The following CADM2 variants were observed in gnomAD, a reference collection of about 807,000 sequenced individuals.
CADM2 encodes cell adhesion molecule 2.
In CADM2, 12 loss-of-function variants were observed where a neutral mutation model predicts 49.8. The ratio of observed to expected loss-of-function variants is 0.24; its 90% confidence interval spans 0.15 to 0.39. The LOEUF (loss-of-function observed/expected upper bound fraction) is 0.39. Among genes scored for constraint, CADM2 ranks in the 10% least tolerant of loss-of-function variants. CADM2 has a pLI of 1.00. For missense variants in CADM2, 378 were observed against 492.3 expected (o/e 0.77, Z 2.20); for synonymous variants, 214 against 175.4 (o/e 1.22, Z -1.74).
At chr3:85,999,096 T>C (rs1729799516) in intron 8 of CADM2, among the ~76,000 whole-genome samples, 1 of 152,140 alleles carries the variant, frequency 6.6e-6, no homozygotes, top group Non-Finnish European at 1.5e-5. Flanking sequence ...AGTGAAGATA[T>C]CTAATTAACA....
intron 1 of CADM2, among the ~76,000 whole-genome samples, chr3:85,332,064 A>T (rs1277029429): frequency 6.6e-6 from 1 of 152,038 alleles, no homozygotes; most frequent in Non-Finnish European, 1.5e-5. Flanking sequence ...TTATTAAGGG[A>T]TCAATTGAAA....
intron 1 of CADM2, among the ~76,000 whole-genome samples, chr3:85,444,127 C>T (rs1174460228): frequency 2.0e-5 from 3 of 152,078 alleles, no homozygotes; most frequent in Admixed American, 1.3e-4. Flanking sequence ...TATATTGTTT[C>T]TGATTATATT....
At chr3:85,051,598 A>G (rs2035885596) in intron 1 of CADM2, among the ~76,000 whole-genome samples, 1 of 152,130 alleles carries the variant, frequency 6.6e-6, no homozygotes, top group African/African-American at 2.4e-5. Flanking sequence ...ATCACTACCA[A>G]TGAATTTATT....
intron 1 of CADM2, among the ~76,000 whole-genome samples, chr3:85,209,228 G>A (rs1158099710): frequency 6.6e-6 from 1 of 152,078 alleles, no homozygotes; most frequent in Non-Finnish European, 1.5e-5. Context: ...GGCTTCTCAA[G>A]TAGACAGCTT....
chr3:85,050,195 G>A (rs1340301230), intron 1 of CADM2, among the ~76,000 whole-genome samples: 1 of 151,968 alleles, frequency 6.6e-6, no homozygotes, highest in Non-Finnish European at 1.5e-5. Flanking sequence ...AATAACTCCT[G>A]TAGGAATTCA....
intron 2 of CADM2, among the ~76,000 whole-genome samples, chr3:85,769,583 ATATATAG>A (rs1213254442): frequency 8.5e-6 from 1 of 117,780 alleles, no homozygotes; most frequent in Non-Finnish European, 1.6e-5. Context: ...ACATATATAC[ATATATAG>A]TATATACACA....
At chr3:85,127,014 C>A (rs7632628) in intron 1 of CADM2, among the ~76,000 whole-genome samples, 82,892 of 151,920 alleles carry the variant, frequency 0.55, 23,297 homozygotes, top group African/African-American at 0.59. Context: ...TTCATTATAC[C>A]ATACATAGGA....
chr3:85,128,530 G>A (rs1449722154), intron 1 of CADM2, among the ~76,000 whole-genome samples: 1 of 152,120 alleles, frequency 6.6e-6, no homozygotes, highest in Admixed American at 6.5e-5. Flanking sequence ...TATTTTGACA[G>A]TATGAGTTTA....
intron 1 of CADM2, among the ~76,000 whole-genome samples, chr3:84,996,580 ATAT>A (rs1003947174): frequency 6.6e-6 from 1 of 152,114 alleles, no homozygotes; most frequent in African/African-American, 2.4e-5. Flanking sequence ...ATGATAAAAA[ATAT>A]TATGAAATTA....
At chr3:85,457,428 AT>A (rs1470392378) in intron 1 of CADM2, among the ~76,000 whole-genome samples, 43 of 152,090 alleles carry the variant, frequency 2.8e-4, no homozygotes, top group Middle Eastern at 6.8e-3. Context: ...AAAAAAAAAA[AT>A]TAAAAAGGAT....
rs74937631 is a variant in CADM2 at position 86,055,467 on chromosome 3, T to G, written c.971-10138T>G. On this transcript the variant is annotated intron_variant, in intron 8 of 9. Transcript: ENST00000383699. Reference sequence around the variant, plus strand: ...GCATCCCCTCTTTTTTTTTTTTTTTTTTTTTTTTTTTTGGTTTTAGAGGGA... The same window carrying G: ...GCATCCCCTCTTTTTTTTTTTTTTTGTTTTTTTTTTTTGGTTTTAGAGGGA... Among the ~76,000 whole-genome samples, 276 of 128,470 alleles carry G rather than the reference T, an allele frequency of 2.1e-3. 5 individuals carry two copies. Among genetic ancestry groups the G allele is most frequent in the Admixed American group, 0.019 (227 of 12,058 alleles). The allele number at this position is 128,470 out of a possible 152,430, so 84.3% of individuals were successfully genotyped here. A position where few individuals can be genotyped will look rare whatever the true frequency, so the allele number is the denominator to read the frequency against.
chr3:85,200,132 G>GT (rs1395146770), intron 1 of CADM2, among the ~76,000 whole-genome samples: 3 of 151,988 alleles, frequency 2.0e-5, no homozygotes, highest in Admixed American at 1.3e-4. Context: ...TGAAAACGTG[G>GT]TTTTAAGCAA....
At chr3:85,829,276 C>CT (rs201201088) in intron 3 of CADM2, among the ~76,000 whole-genome samples, 4,274 of 150,138 alleles carry the variant, frequency 0.028, 91 homozygotes, top group Middle Eastern at 0.072. Flanking sequence ...AACTGATCTG[C>CT]TTTTTTTTTG....
At chr3:85,610,982 T>C (rs140262160) in intron 1 of CADM2, among the ~76,000 whole-genome samples, 151 of 152,040 alleles carry the variant, frequency 9.9e-4, no homozygotes, top group African/African-American at 3.2e-3. Context: ...GACAGATTAA[T>C]TGACTGAAAC....
At chr3:85,251,701 G>A (rs372001714) in intron 1 of CADM2, among the ~76,000 whole-genome samples, 2 of 151,876 alleles carry the variant, frequency 1.3e-5, no homozygotes, top group East Asian at 1.9e-4. Context: ...TATCTTTACA[G>A]GGGAGTATAT....
chr3:85,481,171 C>T (rs1218934415), intron 1 of CADM2, among the ~76,000 whole-genome samples: 1 of 150,000 alleles, frequency 6.7e-6, no homozygotes, highest in Non-Finnish European at 1.5e-5. Flanking sequence ...AGACATTAAT[C>T]TTTGAAATGA....
At chr3:85,516,745 C>A (rs940717811) in intron 1 of CADM2, among the ~76,000 whole-genome samples, 3 of 151,914 alleles carry the variant, frequency 2.0e-5, no homozygotes, top group Non-Finnish European at 1.5e-5. Flanking sequence ...TCAACTGGGG[C>A]AAATAATTTC....
chr3:85,151,060 C>T (rs2039907591), intron 1 of CADM2, among the ~76,000 whole-genome samples: 1 of 151,810 alleles, frequency 6.6e-6, no homozygotes, highest in African/African-American at 2.4e-5. Context: ...GTTCTGTGAG[C>T]AGAGCAATGG....
At chr3:85,659,628 T>C (rs2065337244) in intron 1 of CADM2, among the ~76,000 whole-genome samples, 1 of 152,170 alleles carries the variant, frequency 6.6e-6, no homozygotes, top group African/African-American at 2.4e-5. Context: ...TAAATCCTTA[T>C]GTAGCATTTA....
Sources: gnomAD v4.1 joint callset for allele counts (sites outside exome capture counted in the v4.1 genomes callset) on GRCh38, gnomAD v4.1.1 for gene constraint, MANE v1.5 for transcripts, NCBI Gene and HGNC (gene_info 2026-07-23, HGNC 2026-07-21) for gene names.